The following OVCH1 variants were observed in gnomAD, a reference collection of about 807,000 sequenced individuals.
The protein encoded by OVCH1 is ovochymase 1.
Under a neutral mutation model 138.4 loss-of-function variants are expected in OVCH1, and 139 were observed. The ratio of observed to expected loss-of-function variants is 1.00; its 90% CI spans 0.87 to 1.16. The LOEUF (loss-of-function observed/expected upper bound fraction) is 1.16, where lower values mean the gene tolerates loss of function less well. OVCH1 is among the 50% of genes most tolerant of loss of function. The pLI, the probability that OVCH1 is intolerant of heterozygous loss-of-function variation, is 0.00. For missense variants in OVCH1, 1,367 were observed against 1,357.9 expected (o/e 1.01, Z -0.11); for synonymous variants, 453 against 467.8 (o/e 0.97, Z 0.41).
At chr12:29,439,963 C>T (rs569639945) in intron 25 of OVCH1, among the ~76,000 whole-genome samples, 2 of 152,178 alleles carry the variant, frequency 1.3e-5, no homozygotes, top group African/African-American at 4.8e-5. Flanking sequence ...TTTCTGGGTA[C>T]ACCATCCTCC....
chr12:29,414,661 A>C (rs894126178), intron 3 of OVCH1, among the ~76,000 whole-genome samples: 1 of 152,184 alleles, frequency 6.6e-6, no homozygotes, highest in African/African-American at 2.4e-5. Context: ...TATGTCAAGA[A>C]TCTTTAAAAT....
At chr12:29,456,378 C>G (rs781530966) in intron 19 of OVCH1, among the ~76,000 whole-genome samples, 1 of 152,106 alleles carries the variant, frequency 6.6e-6, no homozygotes, top group Admixed American at 6.6e-5. Flanking sequence ...ATTTTTTGTA[C>G]TCTCTTAGAT....
chr12:29,416,478 A>G (rs1345749130), intron 3 of OVCH1, among the ~76,000 whole-genome samples: 1 of 152,190 alleles, frequency 6.6e-6, no homozygotes, highest in African/African-American at 2.4e-5. Flanking sequence ...AAACAATTCA[A>G]TTGGAAAATA....
chr12:29,414,012 CTCTCTCTCTTTTTTTT>C (rs1188639025), intron 3 of OVCH1, among the ~76,000 whole-genome samples: 2 of 80,462 alleles, frequency 2.5e-5, no homozygotes, highest in Non-Finnish European at 6.1e-5. Context: ...TTTCTCCTCT[CTCTCTCTCTTTTTTTT>C]TTTTTTTTTT....
At chr12:29,423,390 CTG>C, downstream of OVCH1, 1 of 410,546 alleles carries the variant, frequency 2.4e-6, no homozygotes, top group African/African-American at 2.1e-5. Context: ...AAATTCCAAA[CTG>C]TTGATATTAA....
chr12:29,475,474 A>T (rs972901560), intron 13 of OVCH1, among the ~76,000 whole-genome samples: 5 of 103,340 alleles, frequency 4.8e-5, no homozygotes, highest in Admixed American at 1.7e-4. Context: ...AGGTAGGTTT[A>T]AAAAAAAAAA....
intron 21 of OVCH1, among the ~76,000 whole-genome samples, chr12:29,451,883 G>T (rs993242327): frequency 3.9e-5 from 6 of 152,160 alleles, no homozygotes; most frequent in African/African-American, 1.4e-4. Context: ...CCTCCTTTGA[G>T]ATGCAGCTGA....
chr12:29,463,654 C>A (rs532039492), intron 18 of OVCH1, among the ~76,000 whole-genome samples: 1 of 152,244 alleles, frequency 6.6e-6, no homozygotes, highest in Admixed American at 6.5e-5. Flanking sequence ...GGGATCTCAG[C>A]AAGTTACTTA....
chr12:29,422,402 A>G (rs932489790), intron 3 of OVCH1, among the ~76,000 whole-genome samples: 4 of 152,194 alleles, frequency 2.6e-5, no homozygotes, highest in African/African-American at 9.6e-5. Flanking sequence ...CCCTGTCTTA[A>G]AAAAGACAAA....
chr12:29,451,166 CATAATA>C (rs201837372), intron 22 of OVCH1, among the ~76,000 whole-genome samples, 173 bp downstream of exon 22: 5 of 150,086 alleles, frequency 3.3e-5, no homozygotes, highest in African/African-American at 7.5e-5. Context: ...AAAGTATAAT[CATAATA>C]ATAATAATAA....
chr12:29,406,679 C>A, the OVCH1 span, among the ~76,000 whole-genome samples: 3 of 147,296 alleles, frequency 2.0e-5, no homozygotes, highest in Non-Finnish European at 4.5e-5. Context: ...TGTATATGTG[C>A]CACATTTTCT....
the OVCH1 span, among the ~76,000 whole-genome samples, chr12:29,404,863 A>G: frequency 3.3e-5 from 5 of 151,902 alleles, no homozygotes; most frequent in African/African-American, 1.2e-4. Flanking sequence ...GCTACTAAAA[A>G]TGCAAAAAAT....
exon 25 of OVCH1, chr12:29,443,471 T>C (rs1351687905): frequency 1.9e-6 from 3 of 1,607,558 alleles, no homozygotes; most frequent in Admixed American, 1.7e-5. Context: ...AATGATGTGA[T>C]TTAAAGGGGC....
At chr12:29,457,463 G>GC (rs1941989874) in intron 19 of OVCH1, among the ~76,000 whole-genome samples, 1 of 133,532 alleles carries the variant, frequency 7.5e-6, no homozygotes, top group Non-Finnish European at 1.5e-5. Flanking sequence ...GAGTGCAGTG[G>GC]TGTGATCTCG....
rs1489952360 is a variant in OVCH1, at chr12:29,420,766, T to C, written c.*71+2361A>G. 2.5e-4 allele frequency among the ~76,000 whole-genome samples: 2 copies of C among 8,056 alleles called. 1 individual carries two copies. Among genetic ancestry groups the C allele is most frequent in the Non-Finnish European group, 8.6e-4 (2 of 2,336 alleles). The allele number at this position is 8,056 out of a possible 152,430, so 5.3% of individuals were successfully genotyped here. ...CTCCTGACCTCATGATCCACCCGCC[T>C]CGGCCTCCCAAAGTGCTGGGATTAC... is the stretch of plus-strand genomic sequence containing the variant. On this transcript the variant is annotated intron_variant and NMD_transcript_variant, in intron 3 of 4. Coordinates refer to the OVCH1 transcript ENST00000539117.
intron 2 of OVCH1, 40 bp from the exon 3 acceptor site, chr12:29,496,318 C>A: frequency 6.9e-7 from 1 of 1,458,280 alleles, no homozygotes; most frequent in East Asian, 2.4e-5. Context: ...TAATATGTCT[C>A]CCCACATATG....
At chr12:29,450,829 T>C (rs9804788) in intron 22 of OVCH1, among the ~76,000 whole-genome samples, 2,797 of 152,106 alleles carry the variant, frequency 0.018, 90 homozygotes, top group African/African-American at 0.064. Context: ...TGTTATACTA[T>C]ACAGCCATAA....
At chr12:29,469,663 T>C (rs1043608874) in intron 16 of OVCH1, among the ~76,000 whole-genome samples, 1 of 151,768 alleles carries the variant, frequency 6.6e-6, no homozygotes, top group East Asian at 1.9e-4. Context: ...GAGGATTGCT[T>C]GAGTTCAAGA....
At chr12:29,423,610 A>G (rs1180498501), downstream of OVCH1, among the ~76,000 whole-genome samples, 3 of 152,254 alleles carry the variant, frequency 2.0e-5, no homozygotes, top group African/African-American at 7.2e-5. Flanking sequence ...GAGACACAAA[A>G]GTAATGGGAC....
Sources: allele counts gnomAD v4.1 joint callset (sites outside exome capture counted in the v4.1 genomes callset), GRCh38; gene constraint gnomAD v4.1.1; transcripts MANE v1.5; gene names NCBI Gene and HGNC (gene_info 2026-07-23, HGNC 2026-07-21).